EYS: variants seen among roughly 807,000 people sequenced by gnomAD.
EYS encodes the protein EGF-like photoreceptor maintenance factor.
A neutral mutation model predicts 282.1 loss-of-function variants in EYS; 250 were observed. The observed-to-expected ratio is 0.89, with a 90% CI of 0.80 to 0.98. The LOEUF is 0.98. Ranked by LOEUF, EYS falls within the 50% of genes least tolerant of loss-of-function variation. EYS has a pLI of 0.00. For synonymous variants in EYS, 1,355 were observed against 1,282.9 expected (o/e 1.06, Z -1.20); for missense variants, 4,016 against 3,709.0 (o/e 1.08, Z -2.15).
At chr6:64,199,433 T>C (rs1430594129) in intron 31 of EYS, among the ~76,000 whole-genome samples, 3 of 152,076 alleles carry the variant, frequency 2.0e-5, no homozygotes, top group African/African-American at 7.2e-5. Flanking sequence ...AAAATTAAAA[T>C]GGATTAAAGA....
chr6:64,811,741 C>T (rs1034853403), intron 22 of EYS, among the ~76,000 whole-genome samples: 1 of 152,110 alleles, frequency 6.6e-6, no homozygotes, highest in African/African-American at 2.4e-5. Flanking sequence ...TCCTATGGTG[C>T]AGCATGAAAC....
intron 31 of EYS, among the ~76,000 whole-genome samples, chr6:64,226,350 G>A (rs1434269257): frequency 6.6e-6 from 1 of 152,038 alleles, no homozygotes; most frequent in Non-Finnish European, 1.5e-5. Flanking sequence ...TATGTAGATA[G>A]AATATCAATT....
chr6:64,722,116 T>A (rs1771602771), intron 22 of EYS, among the ~76,000 whole-genome samples: 1 of 152,114 alleles, frequency 6.6e-6, no homozygotes, highest in African/African-American at 2.4e-5. Context: ...AGATTTCAGT[T>A]TGTGATGCAG....
intron 26 of EYS, among the ~76,000 whole-genome samples, chr6:64,583,302 C>A (rs535616330): frequency 1.0e-4 from 15 of 150,636 alleles, no homozygotes; most frequent in African/African-American, 3.4e-4. Flanking sequence ...AAACATTATT[C>A]AAAAAAAACC....
At chr6:65,577,012 T>C (rs1469815846) in intron 2 of EYS, among the ~76,000 whole-genome samples, 1 of 151,802 alleles carries the variant, frequency 6.6e-6, no homozygotes, top group Non-Finnish European at 1.5e-5. Flanking sequence ...TCTATGAATT[T>C]TATGCAATTT....
intron 31 of EYS, among the ~76,000 whole-genome samples, chr6:64,226,172 A>C (rs991887878): frequency 2.6e-5 from 4 of 151,488 alleles, no homozygotes; most frequent in African/African-American, 9.7e-5. Context: ...TTAATAAATA[A>C]ATTCGGACTA....
At chr6:65,020,476 C>T (rs1272152719) in intron 13 of EYS, among the ~76,000 whole-genome samples, 2 of 152,068 alleles carry the variant, frequency 1.3e-5, no homozygotes, top group Non-Finnish European at 2.9e-5. Flanking sequence ...CAGATCACAT[C>T]CCATGGCTTT....
chr6:65,663,621 A>G (rs915489852), intron 1 of EYS, among the ~76,000 whole-genome samples: 1 of 152,218 alleles, frequency 6.6e-6, no homozygotes, highest in Non-Finnish European at 1.5e-5. Flanking sequence ...GGTTTGGATC[A>G]TGGTACAAAA....
intron 35 of EYS, among the ~76,000 whole-genome samples, chr6:63,904,569 C>T (rs1773731583): frequency 6.6e-6 from 1 of 152,130 alleles, no homozygotes; most frequent in South Asian, 2.1e-4. Context: ...AAATGGTGAC[C>T]TTCCAAATCA....
chr6:64,685,485 T>G (rs1583037702), intron 22 of EYS, among the ~76,000 whole-genome samples: 1 of 152,164 alleles, frequency 6.6e-6, no homozygotes, highest in Non-Finnish European at 1.5e-5. Flanking sequence ...TTTGGGGTGG[T>G]GGTGAGTGAG....
intron 12 of EYS, among the ~76,000 whole-genome samples, chr6:65,116,953 A>G (rs1775393405): frequency 6.6e-6 from 1 of 152,174 alleles, no homozygotes; most frequent in Admixed American, 6.5e-5. Context: ...TCAAGCCCTT[A>G]TCAATGTCCA....
At chr6:65,617,471 TA>T (rs1272305832) in intron 2 of EYS, among the ~76,000 whole-genome samples, 1 of 152,078 alleles carries the variant, frequency 6.6e-6, no homozygotes, top group Non-Finnish European at 1.5e-5. Flanking sequence ...GGTATATTGA[TA>T]AATGTTTAAT....
chr6:63,953,528 A>G (rs1172285322), intron 35 of EYS, among the ~76,000 whole-genome samples: 1 of 152,170 alleles, frequency 6.6e-6, no homozygotes, highest in Non-Finnish European at 1.5e-5. Flanking sequence ...ATGTCTGGCT[A>G]AACTCCAAAA....
At chr6:63,965,776 C>T (rs766778314) in intron 35 of EYS, among the ~76,000 whole-genome samples, 4 of 152,174 alleles carry the variant, frequency 2.6e-5, no homozygotes, top group Admixed American at 6.5e-5. Context: ...TCTGGGGGAA[C>T]GGCTCATTAT....
At chr6:64,226,759 T>C (rs945307526) in intron 31 of EYS, among the ~76,000 whole-genome samples, 2 of 152,070 alleles carry the variant, frequency 1.3e-5, no homozygotes, top group Non-Finnish European at 2.9e-5. Flanking sequence ...TATTAGCTGA[T>C]TGGATGTGGA....
At chr6:64,051,582 A>G (rs1036247138) in intron 33 of EYS, among the ~76,000 whole-genome samples, 1 of 152,176 alleles carries the variant, frequency 6.6e-6, no homozygotes, top group African/African-American at 2.4e-5. Context: ...AGGGATAAGA[A>G]TAGTGACTTG....
intron 12 of EYS, among the ~76,000 whole-genome samples, chr6:65,217,134 A>G (rs1020342037): frequency 1.3e-5 from 2 of 152,110 alleles, no homozygotes; most frequent in African/African-American, 4.8e-5. Flanking sequence ...GTAGAATACT[A>G]AATGATCTGG....
At chr6:64,823,132 C>G (rs548819279) in intron 19 of EYS, among the ~76,000 whole-genome samples, 1 of 151,942 alleles carries the variant, frequency 6.6e-6, no homozygotes, top group East Asian at 1.9e-4. Context: ...ACTGTGAATA[C>G]TAATTCATAA....
At chr6:64,003,353 T>C (rs1768187528) in intron 33 of EYS, among the ~76,000 whole-genome samples, 1 of 152,168 alleles carries the variant, frequency 6.6e-6, no homozygotes, top group Non-Finnish European at 1.5e-5. Context: ...TACAAAAATA[T>C]AGTTAGAATG....
Sources: allele counts gnomAD v4.1 joint callset (sites outside exome capture counted in the v4.1 genomes callset), GRCh38; gene constraint gnomAD v4.1.1; transcripts MANE v1.5; gene names NCBI Gene and HGNC (gene_info 2026-07-23, HGNC 2026-07-21).